FAM13C: variants seen among roughly 807,000 people sequenced by gnomAD.
The protein encoded by FAM13C is family with sequence similarity 13 member C.
Under a neutral mutation model 73.2 loss-of-function variants are expected in FAM13C, and 37 were observed. The observed-to-expected ratio is 0.51, with a 90% CI of 0.39 to 0.67. The LOEUF (loss-of-function observed/expected upper bound fraction) is 0.67. FAM13C is among the 30% of genes least tolerant of loss of function. The probability of loss-of-function intolerance (pLI) is 0.00; values close to 1 mark genes in which losing one functional copy is unlikely to be tolerated. For synonymous variants in FAM13C, 246 were observed against 260.9 expected (o/e 0.94, Z 0.55); for missense variants, 589 against 715.6 (o/e 0.82, Z 2.02).
chr10:59,290,455 CTCT>C (rs1262159157), intron 5 of FAM13C, among the ~76,000 whole-genome samples: 1 of 152,202 alleles, frequency 6.6e-6, no homozygotes, highest in Non-Finnish European at 1.5e-5. Context: ...CTACTTACCA[CTCT>C]TCTTCCCTGA....
At chr10:59,265,157 T>C (rs1331572460) in intron 8 of FAM13C, among the ~76,000 whole-genome samples, 1 of 151,996 alleles carries the variant, frequency 6.6e-6, no homozygotes, top group Non-Finnish European at 1.5e-5. Context: ...GGTATGCTCA[T>C]TGTAAAACAC....
At chr10:59,297,146 A>C (rs1847015514) in intron 5 of FAM13C, 1 of 152,198 alleles carries the variant, frequency 6.6e-6, no homozygotes, top group South Asian at 2.1e-4. Context: ...GATTGCAAAA[A>C]TTCAAAACAT....
chr10:59,263,552 A>G lies in FAM13C; in HGVS notation c.1024+533T>C, dbSNP rs910729860. Among the ~76,000 whole-genome samples the G allele has an allele frequency of 2.6e-5, 4 of 152,176 alleles. No homozygotes were observed. In the East Asian group the frequency reaches 7.7e-4, roughly 29 times the overall value. On this transcript the variant is annotated intron_variant, in intron 9 of 13. Transcript: ENST00000618804. ...GAAGAAAATAATTTTTTATTGGTAA[A>G]TTATAATAGTCTATTTTAAATGGAT... is the stretch of plus-strand genomic sequence containing the variant.
chr10:59,268,506 G>C, intron 8 of FAM13C, 47 bp downstream of exon 8: 5 of 1,604,576 alleles, frequency 3.1e-6, no homozygotes, highest in Non-Finnish European at 4.3e-6. Context: ...GGAGAATCCA[G>C]ACACCTCTGA....
At chr10:59,294,204 G>A (rs1003474504) in intron 5 of FAM13C, among the ~76,000 whole-genome samples, 1 of 152,176 alleles carries the variant, frequency 6.6e-6, no homozygotes, top group African/African-American at 2.4e-5. Flanking sequence ...GGCTGGCCCC[G>A]GGAGCCACTG....
At chr10:59,360,852 A>C (rs1188946647) in intron 1 of FAM13C, among the ~76,000 whole-genome samples, 2 of 112,064 alleles carry the variant, frequency 1.8e-5, no homozygotes, top group East Asian at 2.4e-4. Flanking sequence ...AAACCTCTAC[A>C]GAAAAAAAAA....
At chr10:59,308,782 C>A (rs1033962312) in intron 4 of FAM13C, among the ~76,000 whole-genome samples, 38 of 152,318 alleles carry the variant, frequency 2.5e-4, no homozygotes, top group African/African-American at 7.5e-4. Flanking sequence ...GTGGATAGCC[C>A]ACTGAAATAC....
At chr10:59,264,021 A>G (rs765203196) in intron 9 of FAM13C, 64 bp downstream of exon 9, 1 of 1,412,504 alleles carries the variant, frequency 7.1e-7, no homozygotes, top group Admixed American at 1.7e-5. Flanking sequence ...AATGCTCTGG[A>G]GCACATTATC....
chr10:59,293,611 GA>G (rs1846541784), intron 5 of FAM13C, among the ~76,000 whole-genome samples: 1 of 152,126 alleles, frequency 6.6e-6, no homozygotes, highest in South Asian at 2.1e-4. Context: ...TATTTTGTAA[GA>G]AAATAAGAAA....
rs555522701 is a variant in FAM13C, at chr10:59,345,050, GAATTT to G, written c.324+7215_324+7219del. Among the ~76,000 whole-genome samples, 10 of 152,214 alleles carry G rather than the reference GAATTT, an allele frequency of 6.6e-5. No homozygotes were observed. In the South Asian group the frequency reaches 2.1e-3, roughly 32 times the overall value. Reference sequence around the variant, plus strand: ...GAAAAACCGTAAATTCTTTAAATTAGAATTTATTTAAGTATGTAAAAGATGCATAG... The same window carrying G: ...GAAAAACCGTAAATTCTTTAAATTAGATTTAAGTATGTAAAAGATGCATAG... On this transcript the variant is annotated intron_variant, in intron 3 of 13. Coordinates refer to ENST00000618804, the MANE Select transcript of FAM13C (RefSeq NM_198215.4).
At chr10:59,328,491 A>G (rs1182203168) in intron 3 of FAM13C, among the ~76,000 whole-genome samples, 1 of 147,320 alleles carries the variant, frequency 6.8e-6, no homozygotes, top group Admixed American at 6.6e-5. Flanking sequence ...ATCAAGAAAA[A>G]CAAAACAAAA....
chr10:59,273,254 T>C (rs1249659722), intron 6 of FAM13C, among the ~76,000 whole-genome samples: 1 of 152,150 alleles, frequency 6.6e-6, no homozygotes, highest in Non-Finnish European at 1.5e-5. Context: ...CATGCATCCT[T>C]TGTATAGGGT....
intron 5 of FAM13C, among the ~76,000 whole-genome samples, chr10:59,297,616 T>C (rs975897076): frequency 2.6e-5 from 4 of 152,164 alleles, no homozygotes; most frequent in Non-Finnish European, 5.9e-5. Context: ...TCTGGCTTCA[T>C]AATTCCTCAA....
intron 3 of FAM13C, among the ~76,000 whole-genome samples, chr10:59,344,199 C>T (rs376424485): frequency 1.2e-3 from 176 of 150,036 alleles, no homozygotes; most frequent in Middle Eastern, 0.011. Flanking sequence ...CCTGACCTCG[C>T]GATCCGCCCA....
At chr10:59,275,070 T>G (rs760826550) in intron 6 of FAM13C, among the ~76,000 whole-genome samples, 1 of 152,200 alleles carries the variant, frequency 6.6e-6, no homozygotes, top group South Asian at 2.1e-4. Flanking sequence ...GCTATTAAGA[T>G]GACAAAAGCT....
chr10:59,280,402 G>A (rs986613633), intron 6 of FAM13C, among the ~76,000 whole-genome samples: 9 of 152,132 alleles, frequency 5.9e-5, no homozygotes, highest in African/African-American at 2.2e-4. Context: ...CCTGAAATAA[G>A]TAAGCAGATG....
rs370556948 is a variant in FAM13C, at chr10:59,259,569, T to G, written c.1236+2865A>C. Reference sequence around the variant, plus strand: ...TACTACATGGTTTACTATATTAAGCTTTCTCAAGACCAATACTCAGCTTTA... The same window carrying G: ...TACTACATGGTTTACTATATTAAGCGTTCTCAAGACCAATACTCAGCTTTA... On this transcript the variant is annotated intron_variant, in intron 10 of 13. Transcript: ENST00000618804. Among the ~76,000 whole-genome samples the G allele has an allele frequency of 3.3e-5, 5 of 152,276 alleles. 1 individual carries two copies. Among genetic ancestry groups the G allele is most frequent in the African/African-American group, 4.8e-5 (2 of 41,562 alleles).
intron 5 of FAM13C, among the ~76,000 whole-genome samples, chr10:59,300,396 A>G (rs908394987): frequency 6.6e-6 from 1 of 152,172 alleles, no homozygotes; most frequent in African/African-American, 2.4e-5. Flanking sequence ...GGTATGGAAG[A>G]GAGTGCAGTT....
chr10:59,341,516 C>T (rs1025489671), intron 3 of FAM13C, among the ~76,000 whole-genome samples: 4 of 151,994 alleles, frequency 2.6e-5, no homozygotes, highest in Admixed American at 2.0e-4. Flanking sequence ...GGAGAAACCC[C>T]GTCTCTACTG....
Sources: gnomAD v4.1 joint callset for allele counts (sites outside exome capture counted in the v4.1 genomes callset) on GRCh38, gnomAD v4.1.1 for gene constraint, MANE v1.5 for transcripts, NCBI Gene and HGNC (gene_info 2026-07-23, HGNC 2026-07-21) for gene names.